CAPN1: variants seen among roughly 807,000 people sequenced by gnomAD.
The protein encoded by CAPN1 is calpain-1 catalytic subunit.
A neutral mutation model predicts 105.2 loss-of-function variants in CAPN1; 77 were observed. That is an observed-to-expected ratio of 0.73 (90% CI 0.61 to 0.88). The LOEUF is 0.88. Among genes scored for constraint, CAPN1 ranks in the 40% least tolerant of loss-of-function variants. The probability of loss-of-function intolerance (pLI) is 0.00; values close to 1 mark genes in which losing one functional copy is unlikely to be tolerated. For missense variants in CAPN1, 833 were observed against 976.6 expected, an observed-to-expected ratio of 0.85 and a Z score of 1.96; for synonymous variants, 355 against 388.8, an observed-to-expected ratio of 0.91 and a Z score of 1.02.
chr11:65,190,052 G>A (rs1246117849), intron 10 of CAPN1, among the ~76,000 whole-genome samples: 3 of 152,196 alleles, frequency 2.0e-5, no homozygotes, highest in South Asian at 2.1e-4. Flanking sequence ...GGACCCCCAC[G>A]TCTGCTCCAG....
chr11:65,206,697 C>A, intron 13 of CAPN1, 23 bp downstream of exon 13: 2 of 1,610,684 alleles, frequency 1.2e-6, no homozygotes, highest in Non-Finnish European at 1.7e-6. Flanking sequence ...CTGGCCCCTG[C>A]CACTCTCCCC....
At position 65,209,608 on chromosome 11, in the gene CAPN1, G is replaced by A. The variant is rs1949013736; in HGVS notation, c.1794+221G>A. The A allele has an allele frequency of 3.1e-6, 2 of 635,696 alleles. No individual in the cohort carries two copies. The highest frequency in any genetic ancestry group is 3.7e-5 in the African/African-American group (2 of 54,734). The allele number at this position is 635,696 out of a possible 1,614,324, so 39.4% of individuals were successfully genotyped here. On this transcript the variant is annotated intron_variant, in intron 17 of 21. Transcript: ENST00000279247. The surrounding 1 kb of genome is among the most constrained non-coding windows in gnomAD (Gnocchi z 4.1). ...CAAGTGAAAGGTGGAGCAAGACCTG[G>A]GTCCCCATTGACCCTGAGGCTGGTG...
intron 10 of CAPN1, among the ~76,000 whole-genome samples, chr11:65,189,728 A>G (rs1035634913): frequency 6.6e-6 from 1 of 152,190 alleles, no homozygotes; most frequent in African/African-American, 2.4e-5. Flanking sequence ...GGAACCATTG[A>G]GTGTGGCAGG....
chr11:65,197,938 G>T (rs1948815746), intron 10 of CAPN1, among the ~76,000 whole-genome samples: 1 of 145,788 alleles, frequency 6.9e-6, no homozygotes, highest in African/African-American at 2.5e-5. Flanking sequence ...CCTTTGACTA[G>T]AGAGTTTAGT....
At chr11:65,198,172 G>T (rs1308488733) in intron 10 of CAPN1, among the ~76,000 whole-genome samples, 1 of 151,326 alleles carries the variant, frequency 6.6e-6, no homozygotes, top group Non-Finnish European at 1.5e-5. Flanking sequence ...ACAGGGTCTG[G>T]CTCTGTCACC....
At chr11:65,184,499 GC>G (rs566942217) in intron 4 of CAPN1, among the ~76,000 whole-genome samples, 4 of 150,028 alleles carry the variant, frequency 2.7e-5, no homozygotes, top group African/African-American at 9.8e-5. Flanking sequence ...CGTTGTCCTG[GC>G]CCCGACCCCT....
chr11:65,205,895 AG>A (rs1948949552), intron 12 of CAPN1, 174 bp downstream of exon 12: 1 of 657,170 alleles, frequency 1.5e-6, no homozygotes, highest in Middle Eastern at 2.8e-4. Flanking sequence ...TGCTCTCCTG[AG>A]GGTCAGCACA....
intron 10 of CAPN1, among the ~76,000 whole-genome samples, chr11:65,202,019 T>TTTAC (rs1164618358): frequency 1.3e-5 from 2 of 150,782 alleles, no homozygotes; most frequent in African/African-American, 4.9e-5. Flanking sequence ...GAGAATGGGT[T>TTTAC]TTACCATGTT....
At chr11:65,184,854 CTT>C (rs1242586643) in intron 4 of CAPN1, among the ~76,000 whole-genome samples, 1 of 152,130 alleles carries the variant, frequency 6.6e-6, no homozygotes, top group East Asian at 1.9e-4. Flanking sequence ...TGCCTGTGCT[CTT>C]GTTTAAGTCT....
At position 65,204,829 on chromosome 11, in the gene CAPN1, A is replaced by T; in HGVS notation, c.1312A>T (p.Met438Leu). The T allele has an allele frequency of 1.9e-6, 3 of 1,611,884 alleles. No homozygotes were observed. Among genetic ancestry groups the T allele is most frequent in the Non-Finnish European group, 1.7e-6 (2 of 1,179,046 alleles). ...CCGCGAGCGCCGCTTCGGCCGCGACATGGAGACTATTGGCTTCGCGGTCTA... is the reference window on the plus strand; with the variant it reads ...CCGCGAGCGCCGCTTCGGCCGCGACTTGGAGACTATTGGCTTCGCGGTCTA... ...RRRERRFGRD[M>L]ETIGFAVYEV... The change falls in exon 11 of 22, where the codon ATG becomes TTG. Residue 438 changes from methionine (M) to leucine (L), a missense_variant. By Grantham distance (15) the Met-to-Leu change is conservative. Transcript: ENST00000279247.
chr11:65,200,671 C>T (rs1948855483), intron 10 of CAPN1, among the ~76,000 whole-genome samples: 2 of 152,026 alleles, frequency 1.3e-5, no homozygotes, highest in African/African-American at 4.8e-5. Context: ...GACAGTGTCT[C>T]ATTCTGTCAC....
chr11:65,190,709 T>TTG, intron 10 of CAPN1, among the ~76,000 whole-genome samples: 1 of 105,940 alleles, frequency 9.4e-6, no homozygotes, highest in Non-Finnish European at 2.2e-5. Flanking sequence ...GTTGGTTTTT[T>TTG]TTGTTTTTGT....
chr11:65,187,955 G>A lies in CAPN1; in HGVS notation c.844G>A (p.Val282Met). 1 of 1,555,938 alleles carries A rather than the reference G, an allele frequency of 6.4e-7. No individual in the cohort carries two copies. The highest frequency in any genetic ancestry group is 8.7e-7 in the Non-Finnish European group (1 of 1,149,326). Residue 282 changes from valine to methionine, a missense_variant and splice_region_variant, in exon 8 of 22, where the codon GTG becomes ATG. Val to Met is a conservative substitution (Grantham distance 21, BLOSUM62 1). Transcript: ENST00000279247. ...HAYSVTGAKQ[V>M]NYRGQVVSLI... ...CACTGACAGGAGCTCTGGCAAATAG[G>A]TGAACTACCGAGGCCAGGTGGTGAG... is the stretch of plus-strand genomic sequence containing the variant.
intron 4 of CAPN1, among the ~76,000 whole-genome samples, chr11:65,183,845 T>G (rs1271953832): frequency 6.6e-6 from 1 of 152,118 alleles, no homozygotes; most frequent in African/African-American, 2.4e-5. Context: ...GACTTTTGTG[T>G]TATATCCTGT....
Position 65,208,116 on chromosome 11 carries a change from G to A in CAPN1, c.1667G>A (p.Gly556Glu). 6.2e-7 allele frequency: 1 copy of A among 1,608,052 alleles called. No homozygotes were observed. Among genetic ancestry groups the A allele is most frequent in the Admixed American group, 1.7e-5 (1 of 59,190 alleles). ...AAGGCCCTCTTCAGGCAGCTGGCAG[G>A]GGAGGTAGGTTGGGGCATGGCAGGT... ...NFKALFRQLA[G>E]EDMEISVKEL... The change falls in exon 15 of 22, where the codon GGG (glycine) becomes GAG (glutamate). Residue 556 changes from glycine (G) to glutamate (E), a missense_variant. Physicochemically the swap from Gly to Glu is moderately conservative, Grantham distance 98. Coordinates refer to ENST00000279247, the MANE Select transcript of CAPN1 (RefSeq NM_005186.4). The surrounding 1 kb of genome is among the most constrained non-coding windows in gnomAD (Gnocchi z 4.1).
At chr11:65,183,434 G>C (rs1352987319) in intron 3 of CAPN1, 40 bp from the exon 4 acceptor site, 1 of 1,492,272 alleles carries the variant, frequency 6.7e-7, no homozygotes. Flanking sequence ...CCCCGGGGCA[G>C]GTTGGTAGAG....
In CAPN1 at chr11:65,183,633, G is replaced by A. The variant is rs781508372; in HGVS notation, c.456+41G>A. 5.1e-6 allele frequency: 7 copies of A among 1,381,992 alleles called. No individual in the cohort carries two copies. The South Asian group carries it at 5.8e-5, about 11-fold the overall frequency. The allele number at this position is 1,381,992 out of a possible 1,614,324, so 85.6% of individuals were successfully genotyped here. A position where few individuals can be genotyped will look rare whatever the true frequency, so the allele number is the denominator to read the frequency against. On this transcript the variant is annotated intron_variant, in intron 4 of 21. Coordinates refer to ENST00000279247, the MANE Select transcript of CAPN1 (RefSeq NM_005186.4). The stretch of plus-strand genomic sequence containing the variant: ...GGGAGGAGGGGCAGCAGGCACTGGG[G>A]GAGATGCGGAAGGATGACCCACAAT...
At chr11:65,183,391 G>A in intron 3 of CAPN1, 83 bp from the exon 4 acceptor site, 1 of 1,225,074 alleles carries the variant, frequency 8.2e-7, no homozygotes. Flanking sequence ...CCTGGCCAAG[G>A]AACCCCAGAT....
intron 10 of CAPN1, 127 bp from the exon 11 acceptor site, chr11:65,204,556 G>T: frequency 3.5e-6 from 3 of 861,150 alleles, no homozygotes; most frequent in Non-Finnish European, 5.4e-6. Context: ...CACCCTGCAT[G>T]TTCCAGGTGC....
Sources: allele counts gnomAD v4.1 joint callset (sites outside exome capture counted in the v4.1 genomes callset), GRCh38; gene constraint gnomAD v4.1.1; non-coding constraint Gnocchi (gnomAD v3.1); transcripts MANE v1.5; gene names NCBI Gene and HGNC (gene_info 2026-07-23, HGNC 2026-07-21).